The following NAT2 variants were observed in gnomAD, a reference collection of about 807,000 sequenced individuals.
NAT2 encodes the protein N-acetyltransferase 2.
For missense variants in NAT2, 428 were observed against 339.1 expected (o/e 1.26, Z -2.06); for synonymous variants, 137 against 125.9 (o/e 1.09, Z -0.59).
upstream of NAT2, chr8:18,386,970 G>C (rs889738567): frequency 6.6e-6 from 1 of 152,326 alleles, no homozygotes; most frequent in Non-Finnish European, 1.5e-5. Context: ...GTTGAGTGAG[G>C]AGCCGGCATC....
upstream of NAT2, among the ~76,000 whole-genome samples, chr8:18,388,970 C>T (rs1800552573): frequency 6.6e-6 from 1 of 152,164 alleles, no homozygotes; most frequent in African/African-American, 2.4e-5. Context: ...TTCTCAAGCT[C>T]TCTGACATCT....
upstream of NAT2, among the ~76,000 whole-genome samples, chr8:18,388,697 ATAAC>A (rs1563246368): frequency 6.6e-6 from 1 of 152,300 alleles, no homozygotes; most frequent in Non-Finnish European, 1.5e-5. Flanking sequence ...TAAACTAGAC[ATAAC>A]TAACTCTAAT....
At chr8:18,393,352 C>G (rs538321775) in intron 1 of NAT2, among the ~76,000 whole-genome samples, 1 of 151,984 alleles carries the variant, frequency 6.6e-6, no homozygotes, top group South Asian at 2.1e-4. Context: ...GAGGTGAGAT[C>G]AGTTCAGTTA....
chr8:18,390,414 G>C (rs889178305), upstream of NAT2, among the ~76,000 whole-genome samples: 4 of 152,160 alleles, frequency 2.6e-5, no homozygotes, highest in African/African-American at 9.7e-5. Context: ...AAAAAAGCTA[G>C]AAGGAAGGAT....
intron 1 of NAT2, among the ~76,000 whole-genome samples, chr8:18,393,922 CA>C (rs1800636259): frequency 6.6e-6 from 1 of 152,156 alleles, no homozygotes; most frequent in South Asian, 2.1e-4. Context: ...TCCAGTTCTT[CA>C]ATTTTATGAA....
chr8:18,399,984 T>C lies in NAT2; in HGVS notation c.-6-14T>C. The C allele has an allele frequency of 6.5e-7, 1 of 1,540,608 alleles. No homozygotes were observed. The highest frequency in any genetic ancestry group is 8.7e-7 in the Non-Finnish European group (1 of 1,144,234). On this transcript the variant is annotated splice_polypyrimidine_tract_variant and intron_variant, in intron 1 of 1. Coordinates refer to ENST00000286479, the MANE Select transcript of NAT2 (RefSeq NM_000015.3). ...AAGTATGATATGTTTTTATGTTTTG[T>C]TTTTCTTGCTTAGGGGATCATGGAC...
intron 1 of NAT2, among the ~76,000 whole-genome samples, chr8:18,394,739 T>C (rs1406795320): frequency 6.6e-6 from 1 of 152,180 alleles, no homozygotes; most frequent in East Asian, 1.9e-4. Flanking sequence ...ATTATCAGCT[T>C]TATAAAGTCC....
At chr8:18,397,262 C>T (rs1010913365) in intron 1 of NAT2, among the ~76,000 whole-genome samples, 1 of 151,886 alleles carries the variant, frequency 6.6e-6, no homozygotes, top group African/African-American at 2.4e-5. Context: ...AATGTATTCT[C>T]ATTAAAAAGA....
Position 18,400,671 on chromosome 8 carries a change from G to C in NAT2, c.668G>C (p.Cys223Ser), listed in dbSNP as rs1265895628. The C allele has an allele frequency of 4.3e-6, 7 of 1,613,808 alleles. 1 individual carries two copies. The highest frequency in any genetic ancestry group is 1.6e-4 in the Middle Eastern group (1 of 6,084). The change falls in exon 2 of 2, where the codon TGT (cysteine) becomes TCT (serine). Residue 223 changes from cysteine (C) to serine (S), a missense_variant. Physicochemically the swap from Cys to Ser is moderately radical, Grantham distance 112. Coordinates refer to ENST00000286479, the MANE Select transcript of NAT2 (RefSeq NM_000015.3). ...TCTTCATTTATAACCACATCATTTT[G>C]TTCCTTGCAGACCCCAGAAGGGGTT... ...PTSSFITTSF[C>S]SLQTPEGVYC...
At chr8:18,386,662 C>T (rs911439918), upstream of NAT2, among the ~76,000 whole-genome samples, 6 of 152,176 alleles carry the variant, frequency 3.9e-5, no homozygotes, top group East Asian at 1.2e-3. Context: ...TCCTATGGCC[C>T]CTGTGAACAC....
upstream of NAT2, among the ~76,000 whole-genome samples, chr8:18,389,154 A>C (rs1565684): frequency 6.6e-6 from 1 of 152,004 alleles, no homozygotes; most frequent in Admixed American, 6.5e-5. Context: ...TCAGAATTAC[A>C]CATGTGCCAA....
chr8:18,387,615 G>C (rs1256284668), upstream of NAT2: 1 of 153,348 alleles, frequency 6.5e-6, no homozygotes, highest in Non-Finnish European at 1.5e-5. Context: ...CCCGGCCCTC[G>C]GCCCTCTCGG....
chr8:18,387,128 T>A (rs1800516701), upstream of NAT2: 1 of 152,474 alleles, frequency 6.6e-6, no homozygotes, highest in South Asian at 2.0e-4. Context: ...GCGCTCCAGG[T>A]CCTGGACGGG....
chr8:18,389,615 ATTC>A (rs1451294008), upstream of NAT2, among the ~76,000 whole-genome samples: 1 of 152,250 alleles, frequency 6.6e-6, no homozygotes, highest in African/African-American at 2.4e-5. Context: ...GAAAGTAGGA[ATTC>A]TTCTATACAA....
In NAT2 at chr8:18,400,652, T is replaced by C; in HGVS notation, c.649T>C (p.Phe217Leu). The C allele has an allele frequency of 6.2e-7, 1 of 1,613,984 alleles. No individual in the cohort carries two copies. The highest frequency in any genetic ancestry group is 8.5e-7 in the Non-Finnish European group (1 of 1,179,956). Residue 217 changes from phenylalanine to leucine, a missense_variant, in exon 2 of 2, where the codon TTT becomes CTT. Phe to Leu is a conservative substitution (Grantham distance 22). Transcript: ENST00000286479. ...TYLQTSPTSSFITTSFCSLQT... is the reference protein window; with the variant it reads ...TYLQTSPTSSLITTSFCSLQT... ...CCTGCAGACGTCTCCAACATCTTCA[T>C]TTATAACCACATCATTTTGTTCCTT...
rs1260133999 is a variant in NAT2, at chr8:18,400,256, C to T, written c.253C>T (p.Gln85Ter). The T allele has an allele frequency of 1.2e-6, 2 of 1,612,544 alleles. No homozygotes were observed. Among genetic ancestry groups the T allele is most frequent in the Non-Finnish European group, 8.5e-7 (1 of 1,179,178 alleles). ...LYWALTTIGF[Q>*]TTMLGGYFYI... ...CTGGGCTCTGACCACAATCGGTTTT[C>T]AGACCACAATGTTAGGAGGGTATTT... The change falls in exon 2 of 2, where the codon CAG becomes TAG. Residue 85 changes from glutamine to a stop codon, truncating the protein, a stop_gained. Transcript: ENST00000286479. LOFTEE classifies it low-confidence loss of function (END_TRUNC).
At chr8:18,399,426 T>C (rs536972721) in intron 1 of NAT2, among the ~76,000 whole-genome samples, 1 of 152,300 alleles carries the variant, frequency 6.6e-6, no homozygotes, top group East Asian at 1.9e-4. Context: ...ATATAATATT[T>C]TTGAGGGCAA....
chr8:18,400,924 A>G lies in NAT2; in HGVS notation c.*48A>G. On this transcript the variant is annotated 3_prime_UTR_variant, in exon 2 of 2. Coordinates refer to ENST00000286479, the MANE Select transcript of NAT2 (RefSeq NM_000015.3). Reference sequence around the variant, plus strand: ...TGTGTATGTATCACCCAACTCACTAATTATCAACTTATGTGCTATCAGATA... The same window carrying G: ...TGTGTATGTATCACCCAACTCACTAGTTATCAACTTATGTGCTATCAGATA... 1 of 1,412,188 alleles carries G rather than the reference A, an allele frequency of 7.1e-7. No individual in the cohort carries two copies. Among genetic ancestry groups the G allele is most frequent in the South Asian group, 1.4e-5 (1 of 69,086 alleles). The allele number at this position is 1,412,188 out of a possible 1,614,324, so 87.5% of individuals were successfully genotyped here.
chr8:18,389,834 G>T (rs1198362589), upstream of NAT2, among the ~76,000 whole-genome samples: 1 of 152,206 alleles, frequency 6.6e-6, no homozygotes, highest in African/African-American at 2.4e-5. Flanking sequence ...AAGTTAAAGA[G>T]ACTTAGGTTG....
Sources: gnomAD v4.1 joint callset for allele counts (sites outside exome capture counted in the v4.1 genomes callset) on GRCh38, gnomAD v4.1.1 for gene constraint, MANE v1.5 for transcripts, NCBI Gene and HGNC (gene_info 2026-07-23, HGNC 2026-07-21) for gene names.